The following TMCO1 variants were observed in gnomAD, a reference collection of about 807,000 sequenced individuals.
TMCO1 encodes the protein calcium load-activated calcium channel.
A neutral mutation model predicts 29.3 loss-of-function variants in TMCO1; 29 were observed. The observed-to-expected ratio is 0.99, with a 90% confidence interval of 0.74 to 1.35. The LOEUF (loss-of-function observed/expected upper bound fraction) is 1.35, where lower values mean the gene tolerates loss of function less well. Ranked by LOEUF, TMCO1 falls within the 40% of genes most tolerant of loss-of-function variation. The pLI is 0.00. For synonymous variants in TMCO1, 80 were observed against 77.1 expected (o/e 1.04, Z -0.20); for missense variants, 173 against 225.5 (o/e 0.77, Z 1.49).
intron 5 of TMCO1, among the ~76,000 whole-genome samples, chr1:165,750,188 ATTGGTATACATACTATC>A (rs996937832): frequency 2.6e-5 from 4 of 152,210 alleles, no homozygotes; most frequent in Non-Finnish European, 5.9e-5. Context: ...ATAAGTATAC[ATTGGTATACATACTATC>A]TAAAAATTCT....
chr1:165,751,695 A>C (rs1651998522), intron 5 of TMCO1, among the ~76,000 whole-genome samples: 1 of 150,566 alleles, frequency 6.6e-6, no homozygotes, highest in African/African-American at 2.4e-5. Context: ...ACAGAGCAAG[A>C]CTCCGTCTCA....
chr1:165,748,103 G>A (rs1465140094), intron 5 of TMCO1, among the ~76,000 whole-genome samples: 1 of 151,300 alleles, frequency 6.6e-6, no homozygotes, highest in Non-Finnish European at 1.5e-5. Context: ...AGGTTACGGT[G>A]AGCCCAGATC....
chr1:165,746,142 TAGG>T (rs1651787268), intron 5 of TMCO1, among the ~76,000 whole-genome samples: 1 of 151,654 alleles, frequency 6.6e-6, no homozygotes, highest in African/African-American at 2.4e-5. Context: ...GAGTAGGTAG[TAGG>T]CAATGATAAG....
At chr1:165,730,166 AC>A (rs545932653) in intron 6 of TMCO1, among the ~76,000 whole-genome samples, 362 of 28,650 alleles carry the variant, frequency 0.013, 25 homozygotes, top group Middle Eastern at 0.034. Context: ...CTAAAAATAC[AC>A]ACACACAAAA....
intron 4 of TMCO1, 68 bp downstream of exon 4, chr1:165,754,160 T>C (rs1652100436): frequency 7.4e-7 from 1 of 1,344,910 alleles, no homozygotes. Flanking sequence ...GCAATGCACT[T>C]GATGTAAATC....
chr1:165,742,098 AG>A (rs1439439835), intron 6 of TMCO1, among the ~76,000 whole-genome samples: 1 of 152,242 alleles, frequency 6.6e-6, no homozygotes, highest in African/African-American at 2.4e-5. Flanking sequence ...GAAGGAGGGG[AG>A]AAAAAGAGAA....
chr1:165,768,861 C>T lies in TMCO1; in HGVS notation c.-110G>A. ...GACTCCGCCACCACCGAGTAACAGA[C>T]CAACTCTGACAGCCCGAAGATCGCA... On this transcript the variant is annotated 5_prime_UTR_variant, in exon 1 of 7. Transcript: ENST00000367881. 3 of 1,569,722 alleles carry T rather than the reference C, an allele frequency of 1.9e-6. No homozygotes were observed. The South Asian group carries it at 3.4e-5, about 18-fold the overall frequency.
chr1:165,752,883 C>T lies in TMCO1; in HGVS notation c.256-714G>A, dbSNP rs182215411. On this transcript the variant is annotated intron_variant, in intron 4 of 6. Transcript: ENST00000367881. ...ACCTCCAATTCCTCTTCTTGCCACC[C>T]GGTGAGGAAGAATATTGGGGTGACT... 6.8e-4 allele frequency among the ~76,000 whole-genome samples: 103 copies of T among 152,202 alleles called. No individual in the cohort carries two copies. The Middle Eastern group carries it at 0.01, about 15-fold the overall frequency.
At chr1:165,744,592 G>A (rs1163610323) in intron 5 of TMCO1, among the ~76,000 whole-genome samples, 1 of 151,998 alleles carries the variant, frequency 6.6e-6, no homozygotes, top group Admixed American at 6.6e-5. Flanking sequence ...GGGAGTTCGA[G>A]ACCAGCTGAC....
intron 6 of TMCO1, among the ~76,000 whole-genome samples, chr1:165,733,791 C>A (rs1167209940): frequency 2.0e-5 from 3 of 152,074 alleles, no homozygotes; most frequent in Non-Finnish European, 2.9e-5. Flanking sequence ...AGAATGTATA[C>A]CCAGAAGAGA....
chr1:165,733,700 A>G (rs1167623149), intron 6 of TMCO1, among the ~76,000 whole-genome samples: 1 of 152,254 alleles, frequency 6.6e-6, no homozygotes, highest in African/African-American at 2.4e-5. Context: ...AAAATATAGT[A>G]AGATGCAATC....
At chr1:165,753,201 G>T (rs960306952) in intron 4 of TMCO1, among the ~76,000 whole-genome samples, 1 of 151,958 alleles carries the variant, frequency 6.6e-6, no homozygotes, top group Non-Finnish European at 1.5e-5. Flanking sequence ...AGCCAGGCAC[G>T]GTAGCTCACA....
chr1:165,767,282 A>G (rs1652609610), intron 2 of TMCO1, among the ~76,000 whole-genome samples: 1 of 152,250 alleles, frequency 6.6e-6, no homozygotes, highest in African/African-American at 2.4e-5. Flanking sequence ...TTTAATCCTT[A>G]TAAGGAAAAA....
At chr1:165,740,991 C>T (rs1439164835) in intron 6 of TMCO1, among the ~76,000 whole-genome samples, 1 of 152,218 alleles carries the variant, frequency 6.6e-6, no homozygotes, top group Non-Finnish European at 1.5e-5. Flanking sequence ...AGCTCTATTA[C>T]AGAGACCATT....
At chr1:165,742,937 G>A (rs1651649325) in intron 6 of TMCO1, among the ~76,000 whole-genome samples, 1 of 152,164 alleles carries the variant, frequency 6.6e-6, no homozygotes, top group Non-Finnish European at 1.5e-5. Flanking sequence ...CTAAGAATGG[G>A]ATGTGGAATC....
At chr1:165,757,234 G>A (rs1445964475) in intron 3 of TMCO1, among the ~76,000 whole-genome samples, 1 of 152,150 alleles carries the variant, frequency 6.6e-6, no homozygotes, top group Non-Finnish European at 1.5e-5. Flanking sequence ...ATATTCCATA[G>A]TAGTACTATA....
chr1:165,738,851 G>A (rs1421168757), intron 6 of TMCO1, among the ~76,000 whole-genome samples: 15 of 152,182 alleles, frequency 9.9e-5, no homozygotes, highest in Non-Finnish European at 2.2e-4. Context: ...CTGGGATCTT[G>A]GGGAAGACAA....
chr1:165,754,169 T>C, intron 4 of TMCO1, 59 bp downstream of exon 4: 1 of 1,432,820 alleles, frequency 7.0e-7, no homozygotes, highest in Non-Finnish European at 9.8e-7. Context: ...TTGATGTAAA[T>C]CAGTCTTTTG....
chr1:165,746,718 A>T (rs1242116020), intron 5 of TMCO1, among the ~76,000 whole-genome samples: 2 of 152,128 alleles, frequency 1.3e-5, no homozygotes, highest in Non-Finnish European at 2.9e-5. Context: ...TCTTGTTCCC[A>T]TCTTTACTGC....
Sources: allele counts gnomAD v4.1 joint callset (sites outside exome capture counted in the v4.1 genomes callset), GRCh38; gene constraint gnomAD v4.1.1; transcripts MANE v1.5; gene names NCBI Gene and HGNC (gene_info 2026-07-23, HGNC 2026-07-21).